KATNAL2: variants seen among roughly 807,000 people sequenced by gnomAD.
KATNAL2 encodes katanin p60 ATPase-containing subunit A-like 2.
KATNAL2 carries 52 observed loss-of-function variants against 76.3 expected under a neutral mutation model. The observed-to-expected ratio is 0.68, with a 90% CI of 0.55 to 0.86. The LOEUF is 0.86. Among genes scored for constraint, KATNAL2 ranks in the 40% least tolerant of loss-of-function variants. The pLI is 0.00. For missense variants in KATNAL2, 660 were observed against 668.9 expected (o/e 0.99, Z 0.15); for synonymous variants, 243 against 244.2 (o/e 1.00, Z 0.05).
chr18:47,042,998 C>T (rs186530204), intron 3 of KATNAL2, among the ~76,000 whole-genome samples: 1 of 152,030 alleles, frequency 6.6e-6, no homozygotes, highest in African/African-American at 2.4e-5. Context: ...GAGGCCAAGG[C>T]GGGCGGATCA....
chr18:46,946,401 G>T lies in KATNAL2; in HGVS notation c.-165G>T, dbSNP rs1300905049. The stretch of plus-strand genomic sequence containing the variant: ...CCAGTCTAGATAGACCATGCACAGA[G>T]AATTTCAAAGAAAAGCAGAATAGAT... On this transcript the variant is annotated 5_prime_UTR_variant, in exon 2 of 18. It introduces an in-frame stop codon into an upstream open reading frame of the 5' UTR. Transcript: ENST00000683218. 1.9e-6 allele frequency: 2 copies of T among 1,032,606 alleles called. No individual in the cohort carries two copies. The highest frequency in any genetic ancestry group is 1.8e-4 in the East Asian group (2 of 11,024). The allele number at this position is 1,032,606 out of a possible 1,614,324, so 64.0% of individuals were successfully genotyped here.
At position 46,924,721 on chromosome 18, in the gene KATNAL2, C is replaced by A. The variant is rs141020474; in HGVS notation, c.-510+6795C>A. ...TTCCTACCCATGAGCATGGAATGTTCTTCCATTTGTTTGTATCCTCTTGTA... is the reference window on the plus strand; with the variant it reads ...TTCCTACCCATGAGCATGGAATGTTATTCCATTTGTTTGTATCCTCTTGTA... On this transcript the variant is annotated intron_variant, in intron 1 of 17. Transcript: ENST00000683218. 2.9e-3 allele frequency among the ~76,000 whole-genome samples: 442 copies of A among 152,236 alleles called. 2 individuals carry two copies. In the Middle Eastern group the frequency reaches 0.034, roughly 12 times the overall value.
At chr18:47,100,707 G>T (rs1032125111) in intron 17 of KATNAL2, among the ~76,000 whole-genome samples, 159 bp from the exon 18 acceptor site, 12 of 152,174 alleles carry the variant, frequency 7.9e-5, no homozygotes, top group Non-Finnish European at 1.5e-4. Flanking sequence ...GCACGTTAAA[G>T]AATTTTTCCC....
intron 1 of KATNAL2, among the ~76,000 whole-genome samples, chr18:46,943,328 C>T (rs1232502204): frequency 3.3e-5 from 5 of 152,192 alleles, no homozygotes; most frequent in South Asian, 2.1e-4. Context: ...CTGAGACCTA[C>T]TGGGCTGCAT....
intron 1 of KATNAL2, chr18:46,919,955 A>T: frequency 1.5e-6 from 1 of 682,296 alleles, no homozygotes; most frequent in South Asian, 1.5e-5. Context: ...ATAGACGAAT[A>T]GAGTACAATA....
At chr18:46,954,304 C>T (rs1421971629) in intron 3 of KATNAL2, among the ~76,000 whole-genome samples, 2 of 149,534 alleles carry the variant, frequency 1.3e-5, no homozygotes, top group Non-Finnish European at 3.0e-5. Flanking sequence ...GTTTTCTTCT[C>T]CTTCTTCTTC....
intron 3 of KATNAL2, chr18:47,033,824 C>G: frequency 6.2e-7 from 1 of 1,614,184 alleles, no homozygotes; most frequent in Non-Finnish European, 8.5e-7. Context: ...GTCATGGAGT[C>G]AGAATCCGAA....
intron 3 of KATNAL2, among the ~76,000 whole-genome samples, chr18:47,045,197 AT>A (rs1403888181): frequency 1.3e-5 from 2 of 152,148 alleles, no homozygotes; most frequent in African/African-American, 4.8e-5. Context: ...AAAATTTAGT[AT>A]TATTTGATTT....
At chr18:46,930,926 C>G (rs1386190753) in intron 1 of KATNAL2, among the ~76,000 whole-genome samples, 1 of 151,904 alleles carries the variant, frequency 6.6e-6, no homozygotes, top group Non-Finnish European at 1.5e-5. Flanking sequence ...CATGGTGAAA[C>G]CTGGTCTCTC....
chr18:47,077,258 T>C, intron 14 of KATNAL2, 93 bp from the exon 15 acceptor site: 1 of 943,374 alleles, frequency 1.1e-6, no homozygotes, highest in Non-Finnish European at 1.7e-6. Flanking sequence ...CAGAAACTGT[T>C]CTACAGTCAC....
Position 46,955,174 on chromosome 18 carries a change from C to CTT in KATNAL2, c.51+8253_51+8254dup, listed in dbSNP as rs1407578181. On this transcript the variant is annotated intron_variant, in intron 3 of 17. Transcript: ENST00000683218. ...TCTTTCTTTCTTTCTTTCTTTCTTT[C>CTT]TTTCTTTCTTTCCTCTCTCTTTTTC... 1.3e-4 allele frequency among the ~76,000 whole-genome samples: 17 copies of CTT among 132,844 alleles called. No homozygotes were observed. In the South Asian group the frequency reaches 3.7e-3, roughly 29 times the overall value. 87.2% of individuals were successfully genotyped at this position (132,844 alleles called of 152,430 possible).
intron 3 of KATNAL2, among the ~76,000 whole-genome samples, chr18:46,957,623 C>T (rs1213365872): frequency 2.2e-5 from 3 of 136,574 alleles, no homozygotes; most frequent in Admixed American, 1.6e-4. Flanking sequence ...AGTGCAATGG[C>T]ACGATCTCGG....
At chr18:47,058,862 G>A (rs1475692307) in intron 7 of KATNAL2, among the ~76,000 whole-genome samples, 1 of 152,114 alleles carries the variant, frequency 6.6e-6, no homozygotes, top group Non-Finnish European at 1.5e-5. Flanking sequence ...AGACCTTCAT[G>A]CTGGACTTCC....
chr18:47,035,351 C>T, intron 3 of KATNAL2: 1 of 1,592,374 alleles, frequency 6.3e-7, no homozygotes, highest in Non-Finnish European at 8.6e-7. Context: ...GGTGGCCGGT[C>T]CTCGCTGCCC....
intron 3 of KATNAL2, chr18:47,033,423 G>A (rs2060583965): frequency 1.2e-6 from 2 of 1,613,610 alleles, no homozygotes; most frequent in South Asian, 1.1e-5. Flanking sequence ...GCTGCTCTGG[G>A]GCGTCCGGAA....
Position 46,965,586 on chromosome 18 carries a change from C to G in KATNAL2, c.51+18663C>G, listed in dbSNP as rs1259753936. ...AGAATCCCTCTAGCATCCCCGCCCC[C>G]CCCCCCCCGCCCCCAACGGTGGCCA... On this transcript the variant is annotated intron_variant, in intron 3 of 17. Transcript: ENST00000683218. 8.8e-3 allele frequency among the ~76,000 whole-genome samples: 770 copies of G among 87,142 alleles called. 1 individual carries two copies. The highest frequency in any genetic ancestry group is 0.013 in the Non-Finnish European group (529 of 40,506). 57.2% of individuals were successfully genotyped at this position (87,142 alleles called of 152,430 possible). A position where few individuals can be genotyped will look rare whatever the true frequency, so the allele number is the denominator to read the frequency against.
At chr18:47,034,400 C>T in intron 3 of KATNAL2, 1 of 1,614,070 alleles carries the variant, frequency 6.2e-7, no homozygotes. Context: ...TGGCCGCTGC[C>T]AGCTTGCCCC....
chr18:46,931,043 T>A (rs964077929), intron 1 of KATNAL2, among the ~76,000 whole-genome samples: 2 of 151,458 alleles, frequency 1.3e-5, no homozygotes, highest in African/African-American at 2.4e-5. Context: ...GAGGTTTCAG[T>A]GAGCTGAGAT....
chr18:47,099,066 C>A, intron 15 of KATNAL2, 177 bp from the exon 16 acceptor site: 1 of 512,690 alleles, frequency 2.0e-6, no homozygotes, highest in Non-Finnish European at 3.3e-6. Context: ...AGTTCTCTTT[C>A]TCACCAATTC....
Sources: allele counts gnomAD v4.1 joint callset (sites outside exome capture counted in the v4.1 genomes callset), GRCh38; gene constraint gnomAD v4.1.1; transcripts MANE v1.5; gene names NCBI Gene and HGNC (gene_info 2026-07-23, HGNC 2026-07-21).